Variants in ARSL observed in about 807,000 individuals in gnomAD.
The protein encoded by ARSL is arylsulfatase L, also known as arylsulfatase E (chondrodysplasia punctata 1).
A neutral mutation model predicts 31.1 loss-of-function variants in ARSL; 4 were observed. The observed-to-expected ratio is 0.13, with a 90% CI of 0.06 to 0.29. The LOEUF is 0.29. Ranked by LOEUF, ARSL falls within the 10% of genes least tolerant of loss-of-function variation. The probability of loss-of-function intolerance (pLI) is 1.00; values close to 1 mark genes in which losing one functional copy is unlikely to be tolerated. For synonymous variants in ARSL, 198 were observed against 209.9 expected, an observed-to-expected ratio of 0.94 and a Z score of 0.49; for missense variants, 312 against 497.8, an observed-to-expected ratio of 0.63 and a Z score of 3.55.
chrX:2,960,162 G>C (rs772042236), intron 2 of ARSL, among the ~76,000 whole-genome samples: 2 of 84,495 alleles, frequency 2.4e-5, no homozygotes, highest in East Asian at 3.3e-4. Flanking sequence ...CCAGCTACTC[G>C]GGAGGCTGAG....
chrX:2,963,421 C>T (rs773830854), intron 1 of ARSL, among the ~76,000 whole-genome samples: 2 of 110,610 alleles, frequency 1.8e-5, no homozygotes, highest in Non-Finnish European at 3.8e-5. Flanking sequence ...AACCCCAAAC[C>T]ACCACAAACT....
At chrX:2,967,239 G>A (rs185712433), upstream of ARSL, among the ~76,000 whole-genome samples, 1,290 of 111,514 alleles carry the variant, frequency 0.012, 18 homozygotes, top group African/African-American at 0.039. Flanking sequence ...GTCATATGAC[G>A]TACGGTTAGA....
intron 1 of ARSL, among the ~76,000 whole-genome samples, chrX:2,962,080 C>G (rs1000789092): frequency 1.8e-5 from 2 of 109,891 alleles, no homozygotes; most frequent in South Asian, 8.0e-4. Flanking sequence ...AAGCTGGAAG[C>G]CCCCTGACTT....
intron 7 of ARSL, 139 bp from the exon 8 acceptor site, chrX:2,943,338 G>A (rs758666964): frequency 3.8e-6 from 3 of 785,144 alleles, no homozygotes; most frequent in South Asian, 2.5e-5. Context: ...GTCAGCTGTT[G>A]GATAATTTTG....
chrX:2,965,555 A>C (rs746430983), upstream of ARSL, among the ~76,000 whole-genome samples: 122 of 96,580 alleles, frequency 1.3e-3, no homozygotes, highest in African/African-American at 5.7e-3. Context: ...AAAAATAAGC[A>C]AAAAAAAAAG....
At position 2,946,022 on chromosome X, in the gene ARSL, C is replaced by T. The variant is rs763507927; in HGVS notation, c.967G>A (p.Val323Ile). 35 of 1,209,395 alleles carry T rather than the reference C, an allele frequency of 2.9e-5. No individual in the cohort carries two copies. In the South Asian group the frequency reaches 5.5e-4, roughly 19 times the overall value. ...CCTACCATCCAGTCCATCTCCTCTA[C>T]GTTGTCCCCATACAGCCCGTGGAGA... is the stretch of plus-strand genomic sequence containing the variant. ...KSLHGLYGDNVEEMDWMVGRI... is the reference protein window; with the variant it reads ...KSLHGLYGDNIEEMDWMVGRI... Residue 323 changes from valine (V) to isoleucine (I), a missense_variant, in exon 7 of 11, where the codon GTA becomes ATA. Physicochemically the swap from Val to Ile is conservative, Grantham distance 29 (BLOSUM62 3). Coordinates refer to ENST00000381134, the MANE Select transcript of ARSL (RefSeq NM_000047.3).
intron 6 of ARSL, among the ~76,000 whole-genome samples, chrX:2,946,842 G>T (rs1363568724): frequency 2.7e-5 from 3 of 110,504 alleles, no homozygotes; most frequent in Non-Finnish European, 5.7e-5. Context: ...TCTTGTTTAA[G>T]ACTCTTTAAC....
chrX:2,934,967 C>T lies in ARSL; in HGVS notation c.1635G>A (p.Val545=). The change falls in exon 11 of 11, where the codon GTG becomes GTA. Residue 545 remains valine, a synonymous_variant. Transcript: ENST00000381134. ...YQVMERVQQA[V]WEHQRTLSPV... ...GGCTGAGTGTCCGCTGGTGTTCCCA[C>T]ACCGCCTGCTGGACTCGTTCCATCA... The T allele has an allele frequency of 8.3e-7, 1 of 1,211,335 alleles. No homozygotes were observed. Among genetic ancestry groups the T allele is most frequent in the Non-Finnish European group, 1.1e-6 (1 of 895,429 alleles).
intron 3 of ARSL, among the ~76,000 whole-genome samples, chrX:2,957,003 C>CTTG (rs764856035): frequency 0.022 from 2,348 of 106,191 alleles, 62 homozygotes; most frequent in African/African-American, 0.076. Flanking sequence ...AGGCAGATCA[C>CTTG]GAGGTCAGGA....
At chrX:2,941,247 C>CTTTTT (rs200569564) in intron 8 of ARSL, among the ~76,000 whole-genome samples, 10 of 80,588 alleles carry the variant, frequency 1.2e-4, no homozygotes, top group African/African-American at 2.2e-4. Context: ...TGTCCACAAT[C>CTTTTT]TTTTTTTTTT....
At chrX:2,938,752 G>T (rs1170474695) in intron 8 of ARSL, among the ~76,000 whole-genome samples, 1 of 111,637 alleles carries the variant, frequency 9.0e-6, no homozygotes, top group Non-Finnish European at 1.9e-5. Context: ...GCCTATAAAT[G>T]AGACTTTATT....
chrX:2,953,908 A>G (rs2089492919), intron 4 of ARSL, among the ~76,000 whole-genome samples: 1 of 110,674 alleles, frequency 9.0e-6, no homozygotes, highest in Non-Finnish European at 1.9e-5. Flanking sequence ...TTTGGCAGAG[A>G]CGGGGTCTCA....
intron 8 of ARSL, among the ~76,000 whole-genome samples, chrX:2,941,247 C>CTT (rs200569564): frequency 3.7e-3 from 294 of 80,481 alleles, no homozygotes; most frequent in African/African-American, 6.3e-3. Context: ...TGTCCACAAT[C>CTT]TTTTTTTTTT....
intron 3 of ARSL, among the ~76,000 whole-genome samples, chrX:2,956,235 C>G (rs1318499227): frequency 9.0e-6 from 1 of 111,603 alleles, no homozygotes; most frequent in Non-Finnish European, 1.9e-5. Flanking sequence ...GGCTGGAATT[C>G]GGACAGGAGG....
At position 2,935,184 on chromosome X, in the gene ARSL, G is replaced by T. The variant is rs143775522; in HGVS notation, c.1418C>A (p.Thr473Lys). The T allele has an allele frequency of 9.1e-6, 11 of 1,208,184 alleles. No homozygotes were observed. The African/African-American group carries it at 1.9e-4, about 21-fold the overall frequency. ...AARWHQRDRGTMWKVHFVTPV... is the reference protein window; with the variant it reads ...AARWHQRDRGKMWKVHFVTPV... ...CGTCACAAAGTGGACTTTCCACATT[G>T]TTCCTCCTGGTGGAAAGATAATCAT... Residue 473 changes from threonine to lysine, a missense_variant, in exon 11 of 11, where the codon ACA becomes AAA. Transcript: ENST00000381134.
At chrX:2,952,412 C>T (rs147779965) in intron 5 of ARSL, among the ~76,000 whole-genome samples, 8,378 of 111,141 alleles carry the variant, frequency 0.075, 325 homozygotes, top group Non-Finnish European at 0.11. Context: ...AGCGATCCAC[C>T]CACCTTGGCC....
chrX:2,958,346 G>C lies in ARSL; in HGVS notation c.113C>G (p.Pro38Arg). The part of the protein sequence containing the change: ...SASSDISASR[P>R]NILLLMADDL... ...GTCCGCCATCAGAAGAAGGATGTTC[G>C]GTCGGGAGGCGGAAATGTCGCTGGA... The change falls in exon 3 of 11, where the codon CCG (proline) becomes CGG (arginine). Residue 38 changes from proline to arginine, a missense_variant. Coordinates refer to ENST00000381134, the MANE Select transcript of ARSL (RefSeq NM_000047.3). The C allele has an allele frequency of 8.3e-7, 1 of 1,211,812 alleles. No homozygotes were observed.
At chrX:2,937,736 C>T (rs780927292) in intron 9 of ARSL, among the ~76,000 whole-genome samples, 2 of 111,274 alleles carry the variant, frequency 1.8e-5, no homozygotes, top group South Asian at 7.6e-4. Flanking sequence ...CCTCAGGACT[C>T]AGACCTTAGT....
intron 10 of ARSL, among the ~76,000 whole-genome samples, chrX:2,935,402 C>G (rs2089183216): frequency 8.9e-6 from 1 of 112,172 alleles, no homozygotes; most frequent in African/African-American, 3.2e-5. Context: ...AACGAACTTT[C>G]AAAATACTAC....
Sources: gnomAD v4.1 joint callset for allele counts (sites outside exome capture counted in the v4.1 genomes callset) on GRCh38, gnomAD v4.1.1 for gene constraint, MANE v1.5 for transcripts, NCBI Gene and HGNC (gene_info 2026-07-23, HGNC 2026-07-21) for gene names.